LTBP4: variants seen among roughly 807,000 people sequenced by gnomAD.
The protein encoded by LTBP4 is latent transforming growth factor beta binding protein 4, also known as latent-transforming growth factor beta-binding protein 4.
Under a neutral mutation model 180.2 loss-of-function variants are expected in LTBP4, and 93 were observed. The observed-to-expected ratio is 0.52, with a 90% CI of 0.44 to 0.61. LTBP4 has a LOEUF of 0.61. Among genes scored for constraint, LTBP4 ranks in the 20% least tolerant of loss-of-function variants. The pLI, the probability that LTBP4 is intolerant of heterozygous loss-of-function variation, is 0.00. For synonymous variants in LTBP4, 947 were observed against 934.5 expected, an observed-to-expected ratio of 1.01 and a Z score of -0.24; for missense variants, 2,116 against 2,256.5, an observed-to-expected ratio of 0.94 and a Z score of 1.26.
rs377277813 is a variant in LTBP4, at chr19:40,617,148, G to T, written c.2993G>T (p.Cys998Phe). The stretch of plus-strand genomic sequence containing the variant: ...TCCTTCTGCGGTGCCCACGCCGTGT[G>T]CCAGAACCTGCCCGGCTCCTTCCAG... ...NRSFCGAHAV[C>F]QNLPGSFQCL... The change falls in exon 21 of 30, where the codon TGC (cysteine) becomes TTC (phenylalanine). Residue 998 changes from cysteine (C) to phenylalanine (F), a missense_variant. Around this residue, in one of 5 missense-constraint regions of LTBP4, gnomAD observed 278 missense variants for 373.0 expected, o/e 0.75. Coordinates refer to ENST00000396819, the MANE Select transcript of LTBP4 (RefSeq NM_001042545.2). 48 of 1,613,872 alleles carry T rather than the reference G, an allele frequency of 3.0e-5. No individual in the cohort carries two copies. Among genetic ancestry groups the T allele is most frequent in the Non-Finnish European group, 4.1e-5 (48 of 1,179,904 alleles).
chr19:40,599,654 C>T, upstream of LTBP4: 1 of 1,135,422 alleles, frequency 8.8e-7, no homozygotes, highest in Non-Finnish European at 1.3e-6. Context: ...CCTCTCTCTC[C>T]CCCCTCCCTC....
chr19:40,614,708 C>G (rs1485926590), intron 19 of LTBP4, among the ~76,000 whole-genome samples: 2 of 152,174 alleles, frequency 1.3e-5, no homozygotes, highest in Non-Finnish European at 2.9e-5. Flanking sequence ...GGCTATGCCC[C>G]CAGTAAGACA....
rs754856339 is a variant in LTBP4, at chr19:40,617,141, G to A, written c.2986G>A (p.Ala996Thr). 5 of 1,613,882 alleles carry A rather than the reference G, an allele frequency of 3.1e-6. No individual in the cohort carries two copies. The highest frequency in any genetic ancestry group is 1.3e-5 in the African/African-American group (1 of 74,928). Reference protein sequence around the residue: ...CRNRSFCGAHAVCQNLPGSFQ... With the variant: ...CRNRSFCGAHTVCQNLPGSFQ... ...GAACCGGTCCTTCTGCGGTGCCCAC[G>A]CCGTGTGCCAGAACCTGCCCGGCTC... The change falls in exon 21 of 30, where the codon GCC (alanine) becomes ACC (threonine). Residue 996 changes from alanine (A) to threonine (T), a missense_variant. Physicochemically the swap from Ala to Thr is moderately conservative, Grantham distance 58. This residue lies in a region of LTBP4 where 278 missense variants were observed against 373.0 expected (regional missense o/e 0.75). Transcript: ENST00000396819.
chr19:40,619,235 T>A, intron 21 of LTBP4, 112 bp from the exon 22 acceptor site: 1 of 1,081,156 alleles, frequency 9.2e-7, no homozygotes, highest in Non-Finnish European at 1.4e-6. Context: ...GATGATGGGA[T>A]CTGGGCCATT....
In LTBP4 at chr19:40,613,452, G is replaced by T; in HGVS notation, c.2480G>T (p.Cys827Phe). 1 of 1,602,206 alleles carries T rather than the reference G, an allele frequency of 6.2e-7. No individual in the cohort carries two copies. Among genetic ancestry groups the T allele is most frequent in the Non-Finnish European group, 8.5e-7 (1 of 1,174,884 alleles). ...EGDFCFPHGE[C>F]LNTDGSFACT... ...GATTTCTGCTTCCCTCACGGCGAGTGCCTCAACACTGACGGCTCCTTTGCC... is the reference window on the plus strand; with the variant it reads ...GATTTCTGCTTCCCTCACGGCGAGTTCCTCAACACTGACGGCTCCTTTGCC... The change falls in exon 17 of 30, where the codon TGC (cysteine) becomes TTC (phenylalanine). Residue 827 changes from cysteine to phenylalanine, a missense_variant. By Grantham distance (205) the Cys-to-Phe change is radical (BLOSUM62 -2). Transcript: ENST00000396819. This position sits in a 1 kb window ranked among gnomAD's most constrained non-coding sequence, Gnocchi z 5.0.
chr19:40,611,977 G>A lies in LTBP4; in HGVS notation c.2172G>A (p.Glu724=), dbSNP rs2081510247. ...MGFQPNTAGS[E]CEDVDECENH... is the part of the protein sequence containing the mutation. ...TCCAACCCAACACTGCTGGCTCCGA[G>A]TGCGAGGGTGAGGCCGGGGAGGGAG... is the stretch of plus-strand genomic sequence containing the variant. The change falls in exon 14 of 30, where the codon GAG becomes GAA. Residue 724 remains glutamate (E), a synonymous_variant. Transcript: ENST00000396819. This position sits in a 1 kb window ranked among gnomAD's most constrained non-coding sequence, Gnocchi z 4.4. 3 of 1,611,970 alleles carry A rather than the reference G, an allele frequency of 1.9e-6. No individual in the cohort carries two copies. Among genetic ancestry groups the A allele is most frequent in the Non-Finnish European group, 1.7e-6 (2 of 1,179,000 alleles).
rs559246455 is a variant in LTBP4, at chr19:40,617,224, G to A, written c.3069G>A (p.Val1023=). The A allele has an allele frequency of 6.2e-6, 10 of 1,613,292 alleles. No individual in the cohort carries two copies. In the African/African-American group the frequency reaches 9.3e-5, roughly 15 times the overall value. ...GGGCACGGGATGGGCGTCACTGCGT[G>A]GGTACGGGACTTCAGGAGGTGGATG... ...YEGARDGRHC[V]DVNECETLQG... The change falls in exon 21 of 30, where the codon GTG becomes GTA. Residue 1023 remains valine (V), a splice_region_variant and synonymous_variant. Transcript: ENST00000396819.
chr19:40,622,627 C>A lies in LTBP4; in HGVS notation c.3444C>A (p.Gly1148=), dbSNP rs1171315963. 6.2e-7 allele frequency: 1 copy of A among 1,608,908 alleles called. No individual in the cohort carries two copies. Among genetic ancestry groups the A allele is most frequent in the Non-Finnish European group, 8.5e-7 (1 of 1,177,710 alleles). ...ECCCTVGEGW[G]SGCRIQQCPG... ...GCTGTACTGTGGGTGAGGGCTGGGG[C>A]AGCGGCTGCCGCATCCAGCAGTGCC... Residue 1148 remains glycine, a synonymous_variant, in exon 23 of 30, where the codon GGC becomes GGA. Transcript: ENST00000396819. The surrounding 1 kb of genome is among the most constrained non-coding windows in gnomAD (Gnocchi z 5.1).
chr19:40,619,380 G>A lies in LTBP4; in HGVS notation c.3104G>A (p.Cys1035Tyr), dbSNP rs2081570629. ...GAGTGTGAAACACTACAGGGTGTAT[G>A]TGGAGCTGCCCTGTGTGAAAATGTC... ...VNECETLQGV[C>Y]GAALCENVEG... Residue 1035 changes from cysteine (C) to tyrosine (Y), a missense_variant, in exon 22 of 30, where the codon TGT (cysteine) becomes TAT (tyrosine). By Grantham distance (194) the Cys-to-Tyr change is radical. Transcript: ENST00000396819. 1.9e-6 allele frequency: 3 copies of A among 1,613,846 alleles called. No homozygotes were observed. The highest frequency in any genetic ancestry group is 1.7e-5 in the Admixed American group (1 of 59,982).
At chr19:40,596,760 G>A (rs1351641988), upstream of LTBP4, among the ~76,000 whole-genome samples, 1 of 152,112 alleles carries the variant, frequency 6.6e-6, no homozygotes, top group African/African-American at 2.4e-5. Context: ...AGGGGTACCC[G>A]TGGGGGGCTT....
upstream of LTBP4, chr19:40,599,835 A>C: frequency 1.8e-6 from 1 of 555,916 alleles, no homozygotes; most frequent in East Asian, 3.0e-5. Flanking sequence ...GCCTGCCTCT[A>C]TGTCTAAGTC....
chr19:40,618,365 T>A (rs1433446978), intron 21 of LTBP4, among the ~76,000 whole-genome samples: 1 of 150,854 alleles, frequency 6.6e-6, no homozygotes, highest in Non-Finnish European at 1.5e-5. Flanking sequence ...GTTCAAGCAA[T>A]TCTCCTGCCT....
chr19:40,607,252 CACCCACCAA>C, intron 6 of LTBP4, 104 bp from the exon 7 acceptor site: 2 of 830,238 alleles, frequency 2.4e-6, no homozygotes, highest in African/African-American at 1.7e-5. Context: ...ATGCCCCTCG[CACCCACCAA>C]CCCCCCACCC....
chr19:40,598,749 C>G, upstream of LTBP4: 1 of 251,212 alleles, frequency 4.0e-6, no homozygotes, highest in Admixed American at 5.1e-5. Flanking sequence ...CCCCAGCTGC[C>G]GAGGCCTGTG....
At position 40,627,033 on chromosome 19, in the gene LTBP4, A is replaced by C. The variant is rs763456170; in HGVS notation, c.4044A>C (p.Pro1348=). ...CCCCCGCATATAGCCCCCCGCGACC[A>C]GGTGGCTTTGGACTCCCCTACGAGT... is the stretch of plus-strand genomic sequence containing the variant. ...LRPPAYSPPR[P]GGFGLPYEYG... is the part of the protein sequence containing the mutation. The change falls in exon 28 of 30, where the codon CCA becomes CCC. Residue 1348 remains proline, a synonymous_variant. Coordinates refer to ENST00000396819, the MANE Select transcript of LTBP4 (RefSeq NM_001042545.2). 1 of 1,606,666 alleles carries C rather than the reference A, an allele frequency of 6.2e-7. No homozygotes were observed.
rs374059113 is a variant in LTBP4, at chr19:40,607,350, C to G, written c.992-15C>G. On this transcript the variant is annotated splice_polypyrimidine_tract_variant and intron_variant, in intron 6 of 29. Coordinates refer to ENST00000396819, the MANE Select transcript of LTBP4 (RefSeq NM_001042545.2). ...CCAGCCCCGCCCTGAAGGATTTCCT[C>G]CCTGCTCCTCGCAGCCCAACACGTG... 8.9e-6 allele frequency: 14 copies of G among 1,569,604 alleles called. No individual in the cohort carries two copies. Among genetic ancestry groups the G allele is most frequent in the Non-Finnish European group, 1.2e-5 (14 of 1,152,602 alleles).
rs1051734771 is a variant in LTBP4 at position 40,611,696 on chromosome 19, T to C, written c.2054-163T>C. ...CCCACCTTAGTAGCTGGAGAGACCA[T>C]TGAATGGGGACACGAGGAAGGTGTC... On this transcript the variant is annotated intron_variant, in intron 13 of 29. Transcript: ENST00000396819. This position sits in a 1 kb window ranked among gnomAD's most constrained non-coding sequence, Gnocchi z 4.4. 6.6e-6 allele frequency among the ~76,000 whole-genome samples: 1 copy of C among 152,042 alleles called. No individual in the cohort carries two copies. Among genetic ancestry groups the C allele is most frequent in the African/African-American group, 2.4e-5 (1 of 41,394 alleles).
rs2081644102 is a variant in LTBP4 at position 40,627,450 on chromosome 19, A to G, written c.4366+95A>G. 5.0e-6 allele frequency: 7 copies of G among 1,404,494 alleles called. No homozygotes were observed. The South Asian group carries it at 9.0e-5, about 18-fold the overall frequency. 87.0% of individuals were successfully genotyped at this position (1,404,494 alleles called of 1,614,324 possible). On this transcript the variant is annotated intron_variant, in intron 28 of 29. Transcript: ENST00000396819. ...AACAGAAGGCGGGAGGAGAGACGGAACACAGGTGCAACTGGAGAGAGCCAC... is the reference window on the plus strand; with the variant it reads ...AACAGAAGGCGGGAGGAGAGACGGAGCACAGGTGCAACTGGAGAGAGCCAC...
intron 19 of LTBP4, among the ~76,000 whole-genome samples, chr19:40,616,292 T>TAAAAAAAA (rs72117985): frequency 7.3e-6 from 1 of 136,418 alleles, no homozygotes; most frequent in African/African-American, 3.0e-5. Flanking sequence ...AGACCCCATT[T>TAAAAAAAA]AAAAAAAAGA....
Sources: gnomAD v4.1 joint callset for allele counts (sites outside exome capture counted in the v4.1 genomes callset) on GRCh38, gnomAD v4.1.1 for gene constraint, gnomAD v4.1.1 regional missense constraint, Gnocchi (gnomAD v3.1) non-coding constraint, MANE v1.5 for transcripts, NCBI Gene and HGNC (gene_info 2026-07-23, HGNC 2026-07-21) for gene names.